ADAMTSL1: variants seen among roughly 807,000 people sequenced by gnomAD.
ADAMTSL1 encodes ADAMTS like 1.
A neutral mutation model predicts 201.8 loss-of-function variants in ADAMTSL1; 126 were observed. The observed-to-expected ratio is 0.62, with a 90% CI of 0.54 to 0.72. The LOEUF (loss-of-function observed/expected upper bound fraction) is 0.72, where lower values mean the gene tolerates loss of function less well. ADAMTSL1 is among the 30% of genes least tolerant of loss of function. The probability of loss-of-function intolerance (pLI) is 0.00; values close to 1 mark genes in which losing one functional copy is unlikely to be tolerated. For synonymous variants in ADAMTSL1, 1,121 were observed against 903.4 expected (o/e 1.24, Z -4.32); for missense variants, 2,679 against 2,277.8 (o/e 1.18, Z -3.59).
At chr9:18,294,780 C>G (rs537281836) in intron 2 of ADAMTSL1, among the ~76,000 whole-genome samples, 3 of 152,176 alleles carry the variant, frequency 2.0e-5, no homozygotes, top group South Asian at 2.1e-4. Flanking sequence ...ATAAATAATA[C>G]CCGGTGGAAG....
At chr9:18,466,873 T>A (rs1160224823) in intron 2 of ADAMTSL1, among the ~76,000 whole-genome samples, 2 of 152,180 alleles carry the variant, frequency 1.3e-5, no homozygotes, top group African/African-American at 2.4e-5. Flanking sequence ...AGGGGAAGAA[T>A]ACTCTGATTT....
chr9:18,627,423 A>G (rs1245908157), intron 5 of ADAMTSL1, among the ~76,000 whole-genome samples: 1 of 152,220 alleles, frequency 6.6e-6, no homozygotes, highest in Non-Finnish European at 1.5e-5. Flanking sequence ...TAATTACCAC[A>G]GACTAAGTGA....
intron 2 of ADAMTSL1, among the ~76,000 whole-genome samples, chr9:18,166,881 C>T (rs145476519): frequency 1.9e-3 from 294 of 152,050 alleles, no homozygotes; most frequent in Non-Finnish European, 3.6e-3. Context: ...TTTGACCTTT[C>T]AGTGATACTT....
intron 2 of ADAMTSL1, among the ~76,000 whole-genome samples, chr9:18,410,417 G>A (rs78591996): frequency 0.024 from 3,580 of 152,034 alleles, 158 homozygotes; most frequent in African/African-American, 0.082. Context: ...GTTGTTCTCC[G>A]CCATGTGTCC....
chr9:18,888,749 G>A (rs189100961), intron 24 of ADAMTSL1, among the ~76,000 whole-genome samples: 4 of 152,276 alleles, frequency 2.6e-5, no homozygotes, highest in Admixed American at 1.3e-4. Context: ...TGAAGGATGT[G>A]ATGGGAAGGG....
chr9:18,556,102 C>A (rs992390458), intron 3 of ADAMTSL1, among the ~76,000 whole-genome samples: 1 of 151,908 alleles, frequency 6.6e-6, no homozygotes, highest in African/African-American at 2.4e-5. Flanking sequence ...AATTGACATT[C>A]TTTTTCCTTT....
intron 21 of ADAMTSL1, among the ~76,000 whole-genome samples, chr9:18,819,975 T>C (rs1161121369): frequency 6.6e-6 from 1 of 152,212 alleles, no homozygotes; most frequent in Non-Finnish European, 1.5e-5. Flanking sequence ...CTCTTAAGGC[T>C]CTTTCCTTAC....
chr9:18,340,136 C>G (rs891854141), intron 2 of ADAMTSL1, among the ~76,000 whole-genome samples: 1 of 152,182 alleles, frequency 6.6e-6, no homozygotes, highest in East Asian at 1.9e-4. Context: ...AATGGGAAAT[C>G]TGGGGCTTCC....
intron 13 of ADAMTSL1, among the ~76,000 whole-genome samples, chr9:18,701,458 G>A (rs1831918567): frequency 1.3e-5 from 2 of 152,106 alleles, no homozygotes; most frequent in South Asian, 2.1e-4. Context: ...GACTTCAGGC[G>A]ATCCGCCCAC....
chr9:18,648,665 A>G (rs1328133156), intron 7 of ADAMTSL1, among the ~76,000 whole-genome samples: 1 of 151,882 alleles, frequency 6.6e-6, no homozygotes, highest in Non-Finnish European at 1.5e-5. Flanking sequence ...TTGGCTGGAT[A>G]TGAAATTCTG....
At position 18,636,145 on chromosome 9, in the gene ADAMTSL1, A is replaced by G. The variant is rs909431310; in HGVS notation, c.676+128A>G. On this transcript the variant is annotated intron_variant, in intron 6 of 28. Transcript: ENST00000380548. ...TACTCTATCATAATATGATATTTTG[A>G]GTACCTCTGTTTATCTTTTAGCTGC... 3.7e-5 allele frequency: 29 copies of G among 775,756 alleles called. No homozygotes were observed. In the African/African-American group the frequency reaches 4.2e-4, roughly 11 times the overall value. The allele number at this position is 775,756 out of a possible 1,614,324, so 48.1% of individuals were successfully genotyped here. A position where few individuals can be genotyped will look rare whatever the true frequency, so the allele number is the denominator to read the frequency against.
At chr9:18,153,130 T>C (rs1474929479) in intron 1 of ADAMTSL1, among the ~76,000 whole-genome samples, 2 of 152,072 alleles carry the variant, frequency 1.3e-5, no homozygotes, top group African/African-American at 4.8e-5. Context: ...ATTTCACTGT[T>C]GATTCATTGA....
chr9:18,543,807 C>A (rs1337913141), intron 3 of ADAMTSL1, among the ~76,000 whole-genome samples: 2 of 152,156 alleles, frequency 1.3e-5, no homozygotes, highest in African/African-American at 2.4e-5. Flanking sequence ...TCACTGGGTG[C>A]CCCCCAGCCC....
chr9:18,566,423 A>T (rs745861079), intron 3 of ADAMTSL1, among the ~76,000 whole-genome samples: 1 of 152,220 alleles, frequency 6.6e-6, no homozygotes, highest in South Asian at 2.1e-4. Context: ...TGAGTAAATT[A>T]TCCGATATAC....
At chr9:18,030,088 A>C (rs1820879707) in intron 1 of ADAMTSL1, among the ~76,000 whole-genome samples, 1 of 152,222 alleles carries the variant, frequency 6.6e-6, no homozygotes, top group Non-Finnish European at 1.5e-5. Context: ...CTATAAAGAC[A>C]CATGCACACA....
At chr9:18,251,761 C>G (rs549454810) in intron 2 of ADAMTSL1, among the ~76,000 whole-genome samples, 2 of 152,024 alleles carry the variant, frequency 1.3e-5, no homozygotes, top group African/African-American at 4.8e-5. Context: ...AGAGCTGGCA[C>G]GGGCACAGAG....
At chr9:17,987,396 T>C (rs1379206097) in intron 1 of ADAMTSL1, among the ~76,000 whole-genome samples, 1 of 152,110 alleles carries the variant, frequency 6.6e-6, no homozygotes, top group Non-Finnish European at 1.5e-5. Context: ...GAATTAAATG[T>C]CACAGCAATC....
intron 23 of ADAMTSL1, among the ~76,000 whole-genome samples, chr9:18,847,937 A>T (rs1826237073): frequency 6.6e-6 from 1 of 152,248 alleles, no homozygotes; most frequent in African/African-American, 2.4e-5. Flanking sequence ...ATTGAGCATC[A>T]TGGGCTTTTC....
chr9:18,660,288 A>C (rs1436707531), intron 8 of ADAMTSL1, among the ~76,000 whole-genome samples: 6 of 152,224 alleles, frequency 3.9e-5, no homozygotes, highest in Admixed American at 3.3e-4. Flanking sequence ...AAATTACTGA[A>C]GAAATGATCT....
Sources: gnomAD v4.1 joint callset for allele counts (sites outside exome capture counted in the v4.1 genomes callset) on GRCh38, gnomAD v4.1.1 for gene constraint, MANE v1.5 for transcripts, NCBI Gene and HGNC (gene_info 2026-07-23, HGNC 2026-07-21) for gene names.